The following SDK1 variants were observed in gnomAD, a reference collection of about 807,000 sequenced individuals.
SDK1 encodes the protein protein sidekick-1.
Under a neutral mutation model 245.5 loss-of-function variants are expected in SDK1, and 157 were observed. That is an observed-to-expected ratio of 0.64 (90% CI 0.56 to 0.73). The LOEUF is 0.73. Ranked by LOEUF, SDK1 falls within the 30% of genes least tolerant of loss-of-function variation. The probability of loss-of-function intolerance (pLI) is 0.00; values close to 1 mark genes in which losing one functional copy is unlikely to be tolerated. For missense variants in SDK1, 3,583 were observed against 3,002.3 expected (o/e 1.19, Z -4.52); for synonymous variants, 1,647 against 1,278.5 (o/e 1.29, Z -6.15).
At chr7:3,943,473 A>C (rs951290253) in intron 5 of SDK1, among the ~76,000 whole-genome samples, 1 of 50,830 alleles carries the variant, frequency 2.0e-5, no homozygotes, top group Admixed American at 2.3e-4. Flanking sequence ...CTGTGTGCCC[A>C]GCTGCCTACA....
At chr7:3,601,988 C>T (rs1226282365) in intron 1 of SDK1, among the ~76,000 whole-genome samples, 2 of 152,068 alleles carry the variant, frequency 1.3e-5, no homozygotes, top group Non-Finnish European at 2.9e-5. Flanking sequence ...TCATCCATGT[C>T]TCTACAAAGG....
chr7:3,528,062 G>C (rs1427235839), intron 1 of SDK1, among the ~76,000 whole-genome samples: 2 of 150,194 alleles, frequency 1.3e-5, no homozygotes, highest in African/African-American at 4.9e-5. Flanking sequence ...GTGGTGGGAG[G>C]TGAGGTTGGA....
intron 4 of SDK1, among the ~76,000 whole-genome samples, chr7:3,781,413 C>G (rs1447582079): frequency 6.6e-6 from 1 of 152,102 alleles, no homozygotes; most frequent in Non-Finnish European, 1.5e-5. Context: ...GAATCACAGT[C>G]TAGATTAGAT....
intron 4 of SDK1, among the ~76,000 whole-genome samples, chr7:3,760,019 T>G (rs1324852639): frequency 6.6e-6 from 1 of 152,228 alleles, no homozygotes; most frequent in African/African-American, 2.4e-5. Flanking sequence ...AGGGCTCTGA[T>G]TTGTTTTATG....
Position 4,114,100 on chromosome 7 carries a change from C to T in SDK1, c.3649C>T (p.Arg1217Cys), listed in dbSNP as rs758661396. The stretch of plus-strand genomic sequence containing the variant: ...CGTGGGCTACAGGATTAAGTACTGG[C>T]GCTCAGACCTCCAGTCCTCAGCAGT... ...ESVGYRIKYW[R>C]SDLQSSAVAQ... The change falls in exon 25 of 45, where the codon CGC becomes TGC. Residue 1217 changes from arginine to cysteine, a missense_variant. Coordinates refer to ENST00000404826, the MANE Select transcript of SDK1 (RefSeq NM_152744.4). 52 of 1,614,090 alleles carry T rather than the reference C, an allele frequency of 3.2e-5. No homozygotes were observed. The highest frequency in any genetic ancestry group is 3.3e-4 in the Middle Eastern group (2 of 6,080).
chr7:3,435,426 G>A (rs750552004), intron 1 of SDK1, among the ~76,000 whole-genome samples: 3 of 145,774 alleles, frequency 2.1e-5, no homozygotes, highest in Non-Finnish European at 1.5e-5. Flanking sequence ...TGCCTCCCGG[G>A]TTCAAGCAAT....
chr7:4,132,526 A>G, intron 28 of SDK1, 103 bp downstream of exon 28: 2 of 738,590 alleles, frequency 2.7e-6, no homozygotes, highest in African/African-American at 1.7e-5. Context: ...GTTCAAGACC[A>G]GCCTGGGCAA....
chr7:3,834,908 G>T (rs1248203738), intron 5 of SDK1, among the ~76,000 whole-genome samples: 2 of 152,070 alleles, frequency 1.3e-5, no homozygotes, highest in East Asian at 3.9e-4. Context: ...GCTGCTCACC[G>T]GCTTGTTCTT....
At chr7:4,111,586 G>A (rs1584171438) in intron 23 of SDK1, among the ~76,000 whole-genome samples, 1 of 151,576 alleles carries the variant, frequency 6.6e-6, no homozygotes, top group East Asian at 1.9e-4. Flanking sequence ...CATCCTTCAG[G>A]AGCTTAGAAC....
intron 1 of SDK1, among the ~76,000 whole-genome samples, chr7:3,580,661 C>G (rs932657120): frequency 6.6e-6 from 1 of 152,008 alleles, no homozygotes; most frequent in South Asian, 2.1e-4. Flanking sequence ...ATGTAAAACC[C>G]AAAACTATAA....
intron 17 of SDK1, among the ~76,000 whole-genome samples, chr7:4,040,289 G>T (rs1242711162): frequency 6.6e-6 from 1 of 152,118 alleles, no homozygotes; most frequent in Non-Finnish European, 1.5e-5. Flanking sequence ...GAGCACTTAG[G>T]TTCCCCCACC....
intron 5 of SDK1, among the ~76,000 whole-genome samples, chr7:3,915,366 C>T (rs1344319007): frequency 6.6e-6 from 1 of 152,274 alleles, no homozygotes; most frequent in African/African-American, 2.4e-5. Context: ...TTGTAGCTCC[C>T]ATAATTCCCA....
At chr7:3,493,689 C>G (rs927848536) in intron 1 of SDK1, among the ~76,000 whole-genome samples, 1 of 152,214 alleles carries the variant, frequency 6.6e-6, no homozygotes, top group African/African-American at 2.4e-5. Flanking sequence ...TTCAATTTCT[C>G]TCTTGCAAGG....
intron 1 of SDK1, among the ~76,000 whole-genome samples, chr7:3,404,309 CTT>C (rs1354099506): frequency 2.0e-5 from 3 of 152,150 alleles, no homozygotes; most frequent in African/African-American, 7.2e-5. Context: ...ATTTAAATAA[CTT>C]ATATTAATAG....
chr7:4,167,879 C>T (rs1781590495), intron 32 of SDK1, among the ~76,000 whole-genome samples: 1 of 152,204 alleles, frequency 6.6e-6, no homozygotes, highest in Admixed American at 6.5e-5. Context: ...AGCAGTCAGC[C>T]CAAGCTTGTA....
intron 5 of SDK1, among the ~76,000 whole-genome samples, chr7:3,927,324 C>A (rs1779808142): frequency 2.0e-5 from 3 of 152,120 alleles, no homozygotes; most frequent in Admixed American, 2.0e-4. Flanking sequence ...CCTTTAGTTT[C>A]CCTCCTATTT....
chr7:3,537,817 G>C (rs1020649159), intron 1 of SDK1, among the ~76,000 whole-genome samples: 4 of 152,202 alleles, frequency 2.6e-5, no homozygotes, highest in Non-Finnish European at 4.4e-5. Context: ...GAAGGTGATA[G>C]CCTGGCTGCC....
intron 18 of SDK1, among the ~76,000 whole-genome samples, chr7:4,050,886 C>T (rs113708797): frequency 0.12 from 16,299 of 137,826 alleles, 1,022 homozygotes; most frequent in African/African-American, 0.14. Flanking sequence ...TTATATATAC[C>T]ATATAGTATA....
intron 1 of SDK1, among the ~76,000 whole-genome samples, chr7:3,469,015 G>T (rs1429586207): frequency 1.3e-5 from 2 of 152,128 alleles, no homozygotes; most frequent in East Asian, 3.8e-4. Context: ...CAACGTGTTA[G>T]GCTTAAAGGC....
Sources: allele counts gnomAD v4.1 joint callset (sites outside exome capture counted in the v4.1 genomes callset), GRCh38; gene constraint gnomAD v4.1.1; transcripts MANE v1.5; gene names NCBI Gene and HGNC (gene_info 2026-07-23, HGNC 2026-07-21).